The following RFX7 variants were observed in gnomAD, a reference collection of about 807,000 sequenced individuals.
RFX7 encodes regulatory factor X7.
Under a neutral mutation model 111.8 loss-of-function variants are expected in RFX7, and 26 were observed. That is an observed-to-expected ratio of 0.23 (90% CI 0.17 to 0.32). The LOEUF is 0.32. RFX7 is among the 10% of genes least tolerant of loss of function. The pLI is 1.00. For missense variants in RFX7, 1,573 were observed against 1,772.9 expected, an observed-to-expected ratio of 0.89 and a Z score of 2.02; for synonymous variants, 624 against 624.4, an observed-to-expected ratio of 1.00 and a Z score of 0.01.
intron 2 of RFX7, among the ~76,000 whole-genome samples, chr15:56,206,249 T>G (rs1186934665): frequency 3.3e-5 from 5 of 152,098 alleles, no homozygotes; most frequent in African/African-American, 1.2e-4. Context: ...ATATTATTCA[T>G]CAGACATAAA....
chr15:56,170,537 A>C (rs1406944244), intron 3 of RFX7, among the ~76,000 whole-genome samples: 1 of 152,106 alleles, frequency 6.6e-6, no homozygotes, highest in Non-Finnish European at 1.5e-5. Flanking sequence ...AAATGTCTCC[A>C]TATATTGTCA....
intron 3 of RFX7, among the ~76,000 whole-genome samples, chr15:56,156,664 A>G (rs1351280646): frequency 6.6e-6 from 1 of 150,990 alleles, no homozygotes; most frequent in Non-Finnish European, 1.5e-5. Context: ...TTGCTCTCTA[A>G]AACTTATACC....
At chr15:56,106,932 C>T (rs1400183778) in intron 5 of RFX7, among the ~76,000 whole-genome samples, 1 of 152,090 alleles carries the variant, frequency 6.6e-6, no homozygotes, top group Non-Finnish European at 1.5e-5. Flanking sequence ...AACTCAGTGT[C>T]AGATTATACT....
intron 5 of RFX7, among the ~76,000 whole-genome samples, chr15:56,114,430 AAC>A (rs1399467778): frequency 7.0e-6 from 1 of 141,902 alleles, no homozygotes; most frequent in Admixed American, 6.9e-5. Flanking sequence ...AAAAAAAACA[AAC>A]AACAACAACA....
intron 5 of RFX7, among the ~76,000 whole-genome samples, chr15:56,137,634 A>G (rs1242204424): frequency 6.6e-6 from 1 of 151,662 alleles, no homozygotes; most frequent in Non-Finnish European, 1.5e-5. Context: ...CTCTGATTTT[A>G]GTTATTTCTT....
intron 3 of RFX7, among the ~76,000 whole-genome samples, chr15:56,175,364 AT>A (rs2042892845): frequency 6.6e-6 from 1 of 152,198 alleles, no homozygotes; most frequent in Admixed American, 6.5e-5. Flanking sequence ...TGATCTATAA[AT>A]TTGATGTAAT....
rs1282619114 is a variant in RFX7, at chr15:56,109,721, G to A, written c.402-6051C>T. On this transcript the variant is annotated intron_variant, in intron 5 of 9. Coordinates refer to ENST00000559447, the MANE Select transcript of RFX7 (RefSeq NM_022841.7). Reference sequence around the variant, plus strand: ...TCGCCCCGTCCGGGATGTGAGGAGCGTCTCTGCCCGGCCGCCCCGTCTGAG... The same window carrying A: ...TCGCCCCGTCCGGGATGTGAGGAGCATCTCTGCCCGGCCGCCCCGTCTGAG... 1.1e-3 allele frequency among the ~76,000 whole-genome samples: 168 copies of A among 151,404 alleles called. 1 individual carries two copies. The highest frequency in any genetic ancestry group is 3.8e-3 in the African/African-American group (155 of 41,226).
Position 56,227,692 on chromosome 15 carries a change from A to C in RFX7, c.161+15433T>G, listed in dbSNP as rs567874660. ...GACACTGTTGTTATTCATTTCGCTT[A>C]TCCATGAGCTGTACTCAATGAATAC... On this transcript the variant is annotated intron_variant, in intron 2 of 9. Transcript: ENST00000559447. 4.3e-4 allele frequency among the ~76,000 whole-genome samples: 66 copies of C among 152,318 alleles called. No homozygotes were observed. In the South Asian group the frequency reaches 0.013, roughly 30 times the overall value.
intron 2 of RFX7, among the ~76,000 whole-genome samples, chr15:56,224,468 T>TGG (rs752163894): frequency 0.017 from 3 of 172 alleles, no homozygotes; most frequent in Non-Finnish European, 0.042. Context: ...ATTAGGATTT[T>TGG]GTGTGTGTGT....
At chr15:56,219,535 G>A (rs1235954296) in intron 2 of RFX7, among the ~76,000 whole-genome samples, 4 of 152,082 alleles carry the variant, frequency 2.6e-5, no homozygotes, top group African/African-American at 9.7e-5. Context: ...CCTCAAGTAG[G>A]ACCTAGTGTC....
rs1223353728 is a variant in RFX7 at position 56,092,476 on chromosome 15, T to G, written c.*869A>C. On this transcript the variant is annotated 3_prime_UTR_variant, in exon 10 of 10. Coordinates refer to ENST00000559447, the MANE Select transcript of RFX7 (RefSeq NM_022841.7). ...CAATATGTACATGCAGCCATTGTGA[T>G]GAAACTAAGAGAATGCTTTTGTTTT... The G allele has an allele frequency of 5.9e-5, 9 of 152,204 alleles. No individual in the cohort carries two copies. The South Asian group carries it at 6.2e-4, about 10-fold the overall frequency. The allele number at this position is 152,204 out of a possible 1,614,324, so 9.4% of individuals were successfully genotyped here.
intron 2 of RFX7, among the ~76,000 whole-genome samples, chr15:56,222,355 G>C (rs2043435579): frequency 6.6e-6 from 1 of 151,988 alleles, no homozygotes; most frequent in Non-Finnish European, 1.5e-5. Flanking sequence ...GATTTCTTTT[G>C]TGATTACTGG....
At chr15:56,155,723 C>T (rs139725762) in intron 3 of RFX7, among the ~76,000 whole-genome samples, 4,160 of 152,192 alleles carry the variant, frequency 0.027, 78 homozygotes, top group Middle Eastern at 0.044. Context: ...TGTAACAAAA[C>T]TGCACGTTCT....
At chr15:56,168,787 C>T (rs1405943283) in intron 3 of RFX7, among the ~76,000 whole-genome samples, 3 of 152,120 alleles carry the variant, frequency 2.0e-5, no homozygotes, top group South Asian at 2.1e-4. Flanking sequence ...GAAGAAAGCC[C>T]GTTTGCCCTT....
rs569723848 is a variant in RFX7 at position 56,114,043 on chromosome 15, G to T, written c.402-10373C>A. On this transcript the variant is annotated intron_variant, in intron 5 of 9. Coordinates refer to ENST00000559447, the MANE Select transcript of RFX7 (RefSeq NM_022841.7). ...GTTGTAATCCTCCCTTATTTTTAAG[G>T]AGTAAATAGATCTTAAGACTCTGGA... 2.6e-5 allele frequency among the ~76,000 whole-genome samples: 4 copies of T among 152,270 alleles called. No homozygotes were observed. The South Asian group carries it at 8.3e-4, about 32-fold the overall frequency.
intron 2 of RFX7, among the ~76,000 whole-genome samples, chr15:56,183,986 CT>C (rs1480251564): frequency 4.0e-5 from 6 of 149,922 alleles, no homozygotes; most frequent in African/African-American, 1.5e-4. Context: ...CTCCAGCAAC[CT>C]TCATGAACTC....
At chr15:56,097,353 G>C (rs2041692788) in intron 9 of RFX7, among the ~76,000 whole-genome samples, 1 of 152,108 alleles carries the variant, frequency 6.6e-6, no homozygotes, top group Admixed American at 6.6e-5. Flanking sequence ...TCCTGTATCT[G>C]ATAAGCCACG....
chr15:56,149,247 G>T (rs1372615194), intron 3 of RFX7, among the ~76,000 whole-genome samples: 2 of 152,160 alleles, frequency 1.3e-5, no homozygotes, highest in Non-Finnish European at 2.9e-5. Flanking sequence ...GATTTCTGCT[G>T]CATATGATGT....
rs1402652828 is a variant in RFX7, at chr15:56,090,288, T to A, written c.*3057A>T. 8 of 152,170 alleles carry A rather than the reference T, an allele frequency of 5.3e-5. No homozygotes were observed. Among genetic ancestry groups the A allele is most frequent in the African/African-American group, 1.9e-4 (8 of 41,442 alleles). The allele number at this position is 152,170 out of a possible 1,614,324, so 9.4% of individuals were successfully genotyped here. ...AGATGGCTTTTTGGACAACATAAAG[T>A]TCTATGCCATGCACCATTCATTGGT... On this transcript the variant is annotated 3_prime_UTR_variant, in exon 10 of 10. Transcript: ENST00000559447.
Sources: allele counts gnomAD v4.1 joint callset (sites outside exome capture counted in the v4.1 genomes callset), GRCh38; gene constraint gnomAD v4.1.1; transcripts MANE v1.5; gene names NCBI Gene and HGNC (gene_info 2026-07-23, HGNC 2026-07-21).